The following CNTN5 variants were observed in gnomAD, a reference collection of about 807,000 sequenced individuals.
CNTN5 encodes contactin-5.
A neutral mutation model predicts 129.1 loss-of-function variants in CNTN5; 77 were observed. That is an observed-to-expected ratio of 0.60 (90% confidence interval 0.50 to 0.72). The LOEUF is 0.72. CNTN5 is among the 30% of genes least tolerant of loss of function. The probability of loss-of-function intolerance (pLI) is 0.00; values close to 1 mark genes in which losing one functional copy is unlikely to be tolerated. For synonymous variants in CNTN5, 509 were observed against 465.6 expected, an observed-to-expected ratio of 1.09 and a Z score of -1.20; for missense variants, 1,478 against 1,328.8, an observed-to-expected ratio of 1.11 and a Z score of -1.75.
At chr11:99,098,359 A>G (rs1489283763) in intron 1 of CNTN5, among the ~76,000 whole-genome samples, 1 of 152,128 alleles carries the variant, frequency 6.6e-6, no homozygotes, top group African/African-American at 2.4e-5. Context: ...CATGCAAGAC[A>G]GTGTAATCAG....
At chr11:99,579,339 T>C (rs1282113857) in intron 3 of CNTN5, among the ~76,000 whole-genome samples, 1 of 151,424 alleles carries the variant, frequency 6.6e-6, no homozygotes, top group East Asian at 1.9e-4. Context: ...ATATGAACTT[T>C]AAAGTAGTTT....
chr11:99,428,824 T>C (rs1474897071), intron 2 of CNTN5, among the ~76,000 whole-genome samples: 1 of 152,114 alleles, frequency 6.6e-6, no homozygotes, highest in African/African-American at 2.4e-5. Flanking sequence ...TGTTAACAAT[T>C]GTTTTTAGCC....
intron 3 of CNTN5, among the ~76,000 whole-genome samples, chr11:99,793,235 A>G (rs985410036): frequency 2.7e-4 from 41 of 152,012 alleles, no homozygotes; most frequent in African/African-American, 8.9e-4. Flanking sequence ...AATGTTTTGT[A>G]TTTTTAGTAG....
At chr11:99,702,089 C>T (rs1235096346) in intron 3 of CNTN5, among the ~76,000 whole-genome samples, 2 of 150,930 alleles carry the variant, frequency 1.3e-5, no homozygotes, top group Non-Finnish European at 3.0e-5. Context: ...ATAGAGATAA[C>T]TCTCCTTATT....
At chr11:99,573,691 G>A (rs1428123471) in intron 3 of CNTN5, among the ~76,000 whole-genome samples, 2 of 152,070 alleles carry the variant, frequency 1.3e-5, no homozygotes, top group East Asian at 3.9e-4. Context: ...GTGCGGTGGC[G>A]TGATCTTGGC....
intron 15 of CNTN5, among the ~76,000 whole-genome samples, chr11:100,214,561 A>G (rs1476597486): frequency 2.0e-5 from 3 of 152,136 alleles, no homozygotes; most frequent in African/African-American, 7.2e-5. Flanking sequence ...AAACTTTCCA[A>G]CACTACGTGG....
At chr11:99,907,884 T>A (rs1413747232) in intron 6 of CNTN5, among the ~76,000 whole-genome samples, 2 of 152,068 alleles carry the variant, frequency 1.3e-5, no homozygotes, top group Non-Finnish European at 2.9e-5. Context: ...ATATAACATA[T>A]TTTACTTGCT....
chr11:99,853,693 A>T (rs539934641), intron 6 of CNTN5, among the ~76,000 whole-genome samples: 1 of 152,260 alleles, frequency 6.6e-6, no homozygotes, highest in African/African-American at 2.4e-5. Flanking sequence ...TATATATTTT[A>T]AAATAACATG....
intron 2 of CNTN5, among the ~76,000 whole-genome samples, chr11:99,548,117 TATTTTTCCTTTTGTCTGATAA>T (rs1469681417): frequency 6.6e-6 from 1 of 152,206 alleles, no homozygotes; most frequent in Admixed American, 6.6e-5. Context: ...CTGCAGTTAC[TATTTTTCCTTTTGTCTGATAA>T]ATATTATTAT....
At chr11:99,348,614 A>G (rs10736535) in intron 2 of CNTN5, among the ~76,000 whole-genome samples, 151,976 of 152,304 alleles carry the variant, frequency 1, 75,826 homozygotes, top group Middle Eastern at 1. Context: ...TTCTGGATAG[A>G]TGGCATGGTC....
rs919884473 is a variant in CNTN5 at position 100,009,555 on chromosome 11, C to T, written c.980+7419C>T. Among the ~76,000 whole-genome samples, 3 of 151,952 alleles carry T rather than the reference C, an allele frequency of 2.0e-5. No individual in the cohort carries two copies. In the South Asian group the frequency reaches 6.2e-4, roughly 31 times the overall value. On this transcript the variant is annotated intron_variant, in intron 9 of 24. Transcript: ENST00000524871. ...TTGCTCACAAGCTGTTCTCCAGTTT[C>T]AACAAGGGAGGGAGTGAAATTCCAA...
intron 2 of CNTN5, among the ~76,000 whole-genome samples, chr11:99,388,347 A>G (rs1941039393): frequency 6.9e-6 from 1 of 144,022 alleles, no homozygotes. Flanking sequence ...CCAAGGAAGC[A>G]GAGGTTGTAG....
chr11:99,754,949 A>C (rs1944359673), intron 3 of CNTN5, among the ~76,000 whole-genome samples: 1 of 152,104 alleles, frequency 6.6e-6, no homozygotes, highest in African/African-American at 2.4e-5. Context: ...CCTGGCAATC[A>C]TTGATCATGT....
Position 99,315,136 on chromosome 11 carries a change from C to A in CNTN5, c.-209-10210C>A, listed in dbSNP as rs1160762046. Among the ~76,000 whole-genome samples, 2 of 148,860 alleles carry A rather than the reference C, an allele frequency of 1.3e-5. 1 individual carries two copies. The highest frequency in any genetic ancestry group is 3.0e-5 in the Non-Finnish European group (2 of 66,508). ...AGAGTGATGAATACCCTCTAGTAGT[C>A]ATGGAAGAATAAAAGCATTTGGTCT... On this transcript the variant is annotated intron_variant, in intron 1 of 24. Coordinates refer to ENST00000524871, the MANE Select transcript of CNTN5 (RefSeq NM_014361.4).
At chr11:99,034,097 C>G (rs1044326830) in intron 1 of CNTN5, among the ~76,000 whole-genome samples, 13 of 152,174 alleles carry the variant, frequency 8.5e-5, no homozygotes, top group African/African-American at 3.1e-4. Context: ...ATTCAACCAG[C>G]CTTGCATCCC....
chr11:99,993,470 T>G (rs1939252476), intron 8 of CNTN5, among the ~76,000 whole-genome samples: 1 of 152,164 alleles, frequency 6.6e-6, no homozygotes, highest in East Asian at 1.9e-4. Flanking sequence ...GGAGGACAAT[T>G]TTTTCACAGA....
intron 13 of CNTN5, among the ~76,000 whole-genome samples, chr11:100,120,184 T>C (rs1188786290): frequency 1.3e-5 from 2 of 152,012 alleles, no homozygotes; most frequent in Non-Finnish European, 2.9e-5. Flanking sequence ...TGGAAATACT[T>C]AAGCACGCAT....
At chr11:99,629,595 T>TA (rs1487639923) in intron 3 of CNTN5, among the ~76,000 whole-genome samples, 1 of 120,458 alleles carries the variant, frequency 8.3e-6, no homozygotes, top group Admixed American at 1.0e-4. Flanking sequence ...GAAAGTATAT[T>TA]AAAAATAAAA....
chr11:99,905,796 T>C (rs1949487351), intron 6 of CNTN5, among the ~76,000 whole-genome samples: 2 of 152,198 alleles, frequency 1.3e-5, no homozygotes, highest in African/African-American at 4.8e-5. Context: ...TCCATTTGTT[T>C]GTGTCCTCTG....
Sources: allele counts gnomAD v4.1 joint callset (sites outside exome capture counted in the v4.1 genomes callset), GRCh38; gene constraint gnomAD v4.1.1; transcripts MANE v1.5; gene names NCBI Gene and HGNC (gene_info 2026-07-23, HGNC 2026-07-21).